Variants in DLGAP1 observed in about 807,000 individuals in gnomAD.
The protein encoded by DLGAP1 is DLG associated protein 1.
A neutral mutation model predicts 90.8 loss-of-function variants in DLGAP1; 11 were observed. The ratio of observed to expected loss-of-function variants is 0.12; its 90% CI spans 0.08 to 0.20. DLGAP1 has a LOEUF of 0.20. DLGAP1 is among the 10% of genes least tolerant of loss of function. DLGAP1 has a pLI of 1.00. For synonymous variants in DLGAP1, 558 were observed against 540.7 expected, an observed-to-expected ratio of 1.03 and a Z score of -0.44; for missense variants, 1,050 against 1,333.8, an observed-to-expected ratio of 0.79 and a Z score of 3.31.
chr18:4,451,085 G>T (rs1460029248), intron 1 of DLGAP1, among the ~76,000 whole-genome samples: 1 of 152,112 alleles, frequency 6.6e-6, no homozygotes, highest in African/African-American at 2.4e-5. Flanking sequence ...AAGCAACCAG[G>T]AAAAATCTTA....
chr18:3,827,057 G>C (rs2067757949), intron 4 of DLGAP1, among the ~76,000 whole-genome samples: 1 of 152,172 alleles, frequency 6.6e-6, no homozygotes, highest in Non-Finnish European at 1.5e-5. Context: ...AGTAGACTCA[G>C]GATGGAAATT....
intron 7 of DLGAP1, among the ~76,000 whole-genome samples, chr18:3,583,533 A>T (rs903818800): frequency 6.6e-6 from 1 of 152,172 alleles, no homozygotes; most frequent in African/African-American, 2.4e-5. Flanking sequence ...TTTACACTGT[A>T]CAAAAGTCTC....
At chr18:3,827,875 GC>G (rs2067806248) in intron 4 of DLGAP1, among the ~76,000 whole-genome samples, 1 of 152,130 alleles carries the variant, frequency 6.6e-6, no homozygotes, top group Admixed American at 6.5e-5. Flanking sequence ...TAGAGTGTCT[GC>G]CACAGTGCTC....
In DLGAP1 at chr18:3,508,653, T is replaced by C. The variant is rs528036510; in HGVS notation, c.2488A>G (p.Lys830Glu). 6.2e-7 allele frequency: 1 copy of C among 1,613,784 alleles called. No individual in the cohort carries two copies. Among genetic ancestry groups the C allele is most frequent in the African/African-American group, 1.3e-5 (1 of 75,062 alleles). The change falls in exon 11 of 13, where the codon AAA becomes GAA. Residue 830 changes from lysine to glutamate, a missense_variant. Lys to Glu is a moderately conservative substitution (Grantham distance 56). Transcript: ENST00000315677. The part of the protein sequence containing the change: ...ENNLPEDILG[K>E]IRTAVGSAQL... ...GCACTGCCCACTGCGGTTCGGATTT[T>C]TCCTAGAACTGGAAAGAGCAAACAT...
intron 5 of DLGAP1, among the ~76,000 whole-genome samples, chr18:3,805,129 T>C (rs951848540): frequency 6.6e-6 from 1 of 152,250 alleles, no homozygotes; most frequent in African/African-American, 2.4e-5. Context: ...ATAGCTAACA[T>C]ATGTGGAGCA....
At chr18:3,901,016 G>A (rs1222083539) in intron 3 of DLGAP1, among the ~76,000 whole-genome samples, 1 of 151,658 alleles carries the variant, frequency 6.6e-6, no homozygotes, top group Non-Finnish European at 1.5e-5. Flanking sequence ...TCAAAATGAC[G>A]ACTAGGACCC....
intron 2 of DLGAP1, among the ~76,000 whole-genome samples, chr18:4,016,506 C>A (rs2074525525): frequency 6.6e-6 from 1 of 152,172 alleles, no homozygotes. Context: ...CAACAGATTA[C>A]CCTTGGGGAA....
chr18:3,845,793 T>G (rs2068973594), intron 4 of DLGAP1, among the ~76,000 whole-genome samples: 1 of 152,190 alleles, frequency 6.6e-6, no homozygotes, highest in South Asian at 2.1e-4. Context: ...AGTGTGCACA[T>G]GCACAAATTG....
At chr18:3,834,597 T>C (rs2068264108) in intron 4 of DLGAP1, among the ~76,000 whole-genome samples, 1 of 152,178 alleles carries the variant, frequency 6.6e-6, no homozygotes, top group Admixed American at 6.5e-5. Flanking sequence ...TATATGTACA[T>C]AGGTGAATGT....
chr18:4,223,559 G>A (rs932328501), intron 1 of DLGAP1, among the ~76,000 whole-genome samples: 18 of 152,304 alleles, frequency 1.2e-4, no homozygotes, highest in African/African-American at 3.9e-4. Flanking sequence ...TTAGAAAAGT[G>A]TGGTTAGTGA....
At chr18:3,840,969 G>A (rs1033179735) in intron 4 of DLGAP1, among the ~76,000 whole-genome samples, 5 of 152,148 alleles carry the variant, frequency 3.3e-5, no homozygotes, top group African/African-American at 1.2e-4. Flanking sequence ...AACTCTCATG[G>A]TCAACACAAA....
chr18:4,266,065 T>C (rs2079125148), intron 1 of DLGAP1, among the ~76,000 whole-genome samples: 1 of 152,124 alleles, frequency 6.6e-6, no homozygotes, highest in Non-Finnish European at 1.5e-5. Context: ...TGTTTATTAA[T>C]CTCAGTGATA....
intron 3 of DLGAP1, among the ~76,000 whole-genome samples, chr18:3,961,501 C>T (rs2073197770): frequency 6.6e-6 from 1 of 152,152 alleles, no homozygotes; most frequent in Admixed American, 6.5e-5. Context: ...AGGTCCTGGC[C>T]CTCTGCCCCA....
intron 11 of DLGAP1, among the ~76,000 whole-genome samples, chr18:3,505,141 A>C (rs1230799304): frequency 6.6e-6 from 1 of 152,272 alleles, no homozygotes; most frequent in African/African-American, 2.4e-5. Context: ...GGACCAGGCC[A>C]CTGTGCCTCC....
intron 7 of DLGAP1, among the ~76,000 whole-genome samples, chr18:3,582,844 C>G (rs866137952): frequency 2.2e-5 from 2 of 89,742 alleles, no homozygotes; most frequent in South Asian, 9.6e-4. Flanking sequence ...TTTCCTCCCT[C>G]CCCCCTCCCT....
chr18:4,296,575 T>C (rs1849355596), intron 1 of DLGAP1, among the ~76,000 whole-genome samples: 1 of 152,244 alleles, frequency 6.6e-6, no homozygotes, highest in Non-Finnish European at 1.5e-5. Flanking sequence ...AATTCCAGTT[T>C]TCCTTCTCTC....
intron 2 of DLGAP1, among the ~76,000 whole-genome samples, chr18:4,132,902 T>C (rs550128875): frequency 2.0e-5 from 3 of 152,332 alleles, no homozygotes; most frequent in East Asian, 3.9e-4. Flanking sequence ...TAATTAAATG[T>C]ACTTGTTACA....
intron 3 of DLGAP1, among the ~76,000 whole-genome samples, chr18:3,952,222 C>G (rs1279096048): frequency 6.6e-6 from 1 of 152,142 alleles, no homozygotes; most frequent in African/African-American, 2.4e-5. Flanking sequence ...AAAGCATTTC[C>G]CCTCCTGAGG....
rs527999406 is a variant in DLGAP1, at chr18:3,544,710, G to A, written c.2058-10095C>T. ...TGTGTGTACTTGGAAAAAAAAATGT[G>A]TACTTTGCTTTTATTTATTTATTTA... is the stretch of plus-strand genomic sequence containing the variant. On this transcript the variant is annotated intron_variant, in intron 9 of 12. Coordinates refer to ENST00000315677, the MANE Select transcript of DLGAP1 (RefSeq NM_004746.4). Among the ~76,000 whole-genome samples the A allele has an allele frequency of 2.4e-3, 311 of 128,606 alleles. 2 individuals are homozygous for A. Among genetic ancestry groups the A allele is most frequent in the African/African-American group, 8.4e-3 (303 of 36,224 alleles). The allele number at this position is 128,606 out of a possible 152,430, so 84.4% of individuals were successfully genotyped here.
Sources: gnomAD v4.1 joint callset for allele counts (sites outside exome capture counted in the v4.1 genomes callset) on GRCh38, gnomAD v4.1.1 for gene constraint, MANE v1.5 for transcripts, NCBI Gene and HGNC (gene_info 2026-07-23, HGNC 2026-07-21) for gene names.